SERGEF: variants seen among roughly 807,000 people sequenced by gnomAD.
SERGEF encodes secretion-regulating guanine nucleotide exchange factor.
SERGEF carries 51 observed loss-of-function variants against 50.0 expected under a neutral mutation model. That is an observed-to-expected ratio of 1.02 (90% confidence interval 0.81 to 1.29). SERGEF has a LOEUF of 1.29. Among genes scored for constraint, SERGEF ranks in the 50% most tolerant of loss-of-function variants. The pLI, the probability that SERGEF is intolerant of heterozygous loss-of-function variation, is 0.00. For missense variants in SERGEF, 521 were observed against 557.0 expected (o/e 0.94, Z 0.65); for synonymous variants, 205 against 212.4 (o/e 0.97, Z 0.30).
intron 10 of SERGEF, among the ~76,000 whole-genome samples, chr11:17,808,816 G>C (rs1382931465): frequency 1.3e-5 from 2 of 152,218 alleles, no homozygotes; most frequent in Non-Finnish European, 2.9e-5. Flanking sequence ...TTTGCTGTAA[G>C]AGGAGCCAAT....
rs2133971370 is a variant in SERGEF at position 17,959,568 on chromosome 11, C to T, written c.913G>A (p.Glu305Lys). The change falls in exon 9 of 11, where the codon GAA becomes AAA. Residue 305 changes from glutamate to lysine, a missense_variant. Glu to Lys is a moderately conservative substitution (Grantham distance 56). Coordinates refer to ENST00000265965, the MANE Select transcript of SERGEF (RefSeq NM_012139.4). ...GQLGRKLETY[E>K]GWKLEKQDSF... is the part of the protein sequence containing the mutation. ...TCTTGCTTTTCTAGTTTCCAGCCTT[C>T]ATAAGTCTCCAACTTCCTCCCTAGC... 1 of 1,614,174 alleles carries T rather than the reference C, an allele frequency of 6.2e-7. No individual in the cohort carries two copies. Among genetic ancestry groups the T allele is most frequent in the Non-Finnish European group, 8.5e-7 (1 of 1,179,996 alleles).
chr11:17,808,723 CT>C (rs1849811691), intron 10 of SERGEF, among the ~76,000 whole-genome samples: 1 of 152,342 alleles, frequency 6.6e-6, no homozygotes, highest in Non-Finnish European at 1.5e-5. Context: ...GCCCCTACAC[CT>C]TGTATGACTG....
At chr11:17,813,552 C>A (rs1375722556) in intron 10 of SERGEF, among the ~76,000 whole-genome samples, 1 of 152,200 alleles carries the variant, frequency 6.6e-6, no homozygotes, top group African/African-American at 2.4e-5. Flanking sequence ...GGAATGGAGT[C>A]CAGCTCTCTA....
At chr11:17,795,240 G>A (rs1849554126) in intron 10 of SERGEF, among the ~76,000 whole-genome samples, 1 of 152,174 alleles carries the variant, frequency 6.6e-6, no homozygotes, top group Non-Finnish European at 1.5e-5. Context: ...ACTTCTGAGT[G>A]TTTAGCCACC....
At chr11:17,811,689 A>G (rs993857819) in intron 10 of SERGEF, among the ~76,000 whole-genome samples, 3 of 152,244 alleles carry the variant, frequency 2.0e-5, no homozygotes, top group African/African-American at 7.2e-5. Flanking sequence ...CCGGAGGCGA[A>G]GAATACGATC....
At chr11:17,789,155 A>C (rs1849437313) in intron 10 of SERGEF, among the ~76,000 whole-genome samples, 1 of 152,150 alleles carries the variant, frequency 6.6e-6, no homozygotes, top group African/African-American at 2.4e-5. Flanking sequence ...AGACCTCTTC[A>C]TGTTTTCCAT....
chr11:17,834,324 C>G (rs1468146575), intron 10 of SERGEF, among the ~76,000 whole-genome samples: 1 of 152,150 alleles, frequency 6.6e-6, no homozygotes, highest in African/African-American at 2.4e-5. Flanking sequence ...GTGAGGCTTC[C>G]TCAGTCACAT....
chr11:17,832,347 G>T (rs1328816612), intron 10 of SERGEF, among the ~76,000 whole-genome samples: 1 of 152,206 alleles, frequency 6.6e-6, no homozygotes, highest in East Asian at 1.9e-4. Context: ...CACATAACAT[G>T]TGAGTTGCTC....
At chr11:17,868,363 A>G (rs902694245) in intron 10 of SERGEF, among the ~76,000 whole-genome samples, 1 of 152,190 alleles carries the variant, frequency 6.6e-6, no homozygotes, top group Non-Finnish European at 1.5e-5. Context: ...TTAAAACACA[A>G]CAAGGATCAC....
chr11:17,905,344 C>A (rs1276818311), intron 9 of SERGEF, among the ~76,000 whole-genome samples: 2 of 152,216 alleles, frequency 1.3e-5, no homozygotes, highest in Non-Finnish European at 2.9e-5. Flanking sequence ...AGTTTTCTCA[C>A]AGAATAGCAT....
chr11:17,927,352 A>G (rs1852270760), intron 9 of SERGEF, among the ~76,000 whole-genome samples: 1 of 152,216 alleles, frequency 6.6e-6, no homozygotes, highest in South Asian at 2.1e-4. Flanking sequence ...ATGCCTCACT[A>G]AAACCTAAGA....
intron 9 of SERGEF, among the ~76,000 whole-genome samples, chr11:17,880,707 G>GAA (rs1257389921): frequency 6.6e-6 from 1 of 151,692 alleles, no homozygotes; most frequent in Non-Finnish European, 1.5e-5. Flanking sequence ...CCACCACAGA[G>GAA]AAAAAAACCC....
At chr11:17,824,170 G>A (rs931570293) in intron 10 of SERGEF, among the ~76,000 whole-genome samples, 3 of 152,146 alleles carry the variant, frequency 2.0e-5, no homozygotes, top group Admixed American at 6.5e-5. Flanking sequence ...GCGTGGTGGC[G>A]GGCGCCTGTA....
chr11:17,947,622 GA>G (rs1486577238), intron 9 of SERGEF, among the ~76,000 whole-genome samples: 1 of 152,118 alleles, frequency 6.6e-6, no homozygotes, highest in Admixed American at 6.5e-5. Context: ...GAGTTGGGGT[GA>G]GCACCAAGCC....
intron 10 of SERGEF, among the ~76,000 whole-genome samples, chr11:17,791,677 T>C (rs1748467115): frequency 6.6e-6 from 1 of 152,234 alleles, no homozygotes; most frequent in African/African-American, 2.4e-5. Context: ...CGCCACTTAC[T>C]AGTTGTGCCG....
chr11:17,981,588 T>C (rs1363398126), intron 8 of SERGEF, among the ~76,000 whole-genome samples: 1 of 152,278 alleles, frequency 6.6e-6, no homozygotes, highest in African/African-American at 2.4e-5. Context: ...TATGAGAACA[T>C]GGATGTGAAA....
chr11:18,012,776 C>A, intron 1 of SERGEF, 175 bp downstream of exon 1: 1 of 1,023,340 alleles, frequency 9.8e-7, no homozygotes, highest in African/African-American at 1.6e-5. Context: ...CCCTTCCTTC[C>A]CCGCCCGCCC....
rs188619768 is a variant in SERGEF at position 17,950,480 on chromosome 11, T to C, written c.1011+8990A>G. Among the ~76,000 whole-genome samples, 94 of 152,334 alleles carry C rather than the reference T, an allele frequency of 6.2e-4. 1 individual carries two copies. Among genetic ancestry groups the C allele is most frequent in the African/African-American group, 2.1e-3 (89 of 41,576 alleles). ...TCTAAGAGTCTAAAGAAAAAGAGCA[T>C]AGTGCAATCAGATTTCTATTTCAGT... On this transcript the variant is annotated intron_variant, in intron 9 of 10. Coordinates refer to ENST00000265965, the MANE Select transcript of SERGEF (RefSeq NM_012139.4).
At chr11:17,993,803 G>A (rs1853771421) in intron 6 of SERGEF, among the ~76,000 whole-genome samples, 1 of 152,108 alleles carries the variant, frequency 6.6e-6, no homozygotes, top group African/African-American at 2.4e-5. Flanking sequence ...GCCAGGTGAG[G>A]AGGGAACAGC....
Sources: allele counts gnomAD v4.1 joint callset (sites outside exome capture counted in the v4.1 genomes callset), GRCh38; gene constraint gnomAD v4.1.1; transcripts MANE v1.5; gene names NCBI Gene and HGNC (gene_info 2026-07-23, HGNC 2026-07-21).